The following PIK3R4 variants were observed in gnomAD, a reference collection of about 807,000 sequenced individuals.
PIK3R4 encodes phosphoinositide 3-kinase regulatory subunit 4.
PIK3R4 carries 46 observed loss-of-function variants against 136.5 expected under a neutral mutation model. That is an observed-to-expected ratio of 0.34 (90% CI 0.27 to 0.43). The LOEUF (loss-of-function observed/expected upper bound fraction) is 0.43, where lower values mean the gene tolerates loss of function less well. Among genes scored for constraint, PIK3R4 ranks in the 20% least tolerant of loss-of-function variants. The pLI is 1.00. For missense variants in PIK3R4, 1,331 were observed against 1,649.5 expected (o/e 0.81, Z 3.35); for synonymous variants, 557 against 566.7 (o/e 0.98, Z 0.24).
Position 130,705,732 on chromosome 3 carries a change from T to G in PIK3R4, c.2761A>C (p.Ile921Leu), listed in dbSNP as rs1449240611. Residue 921 changes from isoleucine (I) to leucine (L), a missense_variant, in exon 12 of 20, where the codon ATA becomes CTA. Physicochemically the swap from Ile to Leu is conservative, Grantham distance 5. Coordinates refer to ENST00000356763, the MANE Select transcript of PIK3R4 (RefSeq NM_014602.3). ...AAGATTGTACTACTTAAAACCGGTA[T>G]TACTGGTTTTTTATTTTGGACAGTT... is the stretch of plus-strand genomic sequence containing the variant. ...VTTVQNKKPVIPVLSSTILPS... is the reference protein window; with the variant it reads ...VTTVQNKKPVLPVLSSTILPS... The G allele has an allele frequency of 1.2e-6, 2 of 1,610,208 alleles. No homozygotes were observed. Among genetic ancestry groups the G allele is most frequent in the Non-Finnish European group, 8.5e-7 (1 of 1,176,452 alleles).
At chr3:130,710,435 C>T (rs1296215086) in intron 9 of PIK3R4, among the ~76,000 whole-genome samples, 1 of 151,912 alleles carries the variant, frequency 6.6e-6, no homozygotes, top group Non-Finnish European at 1.5e-5. Flanking sequence ...TTAATCTGTT[C>T]AAAAGATTGT....
chr3:130,728,664 T>C lies in PIK3R4; in HGVS notation c.1606A>G (p.Met536Val). The C allele has an allele frequency of 1.3e-6, 2 of 1,585,976 alleles. No individual in the cohort carries two copies. Among genetic ancestry groups the C allele is most frequent in the Non-Finnish European group, 8.6e-7 (1 of 1,166,072 alleles). The change falls in exon 6 of 20, where the codon ATG becomes GTG. Residue 536 changes from methionine (M) to valine (V), a missense_variant. Met to Val is a conservative substitution (Grantham distance 21, BLOSUM62 1). Transcript: ENST00000356763. ...AAAGTAACAACTTTCTGCTGGACCA[T>C]TTCATGTAAGGCTTGGAGCTCTAAA... The part of the protein sequence containing the change: ...YDTELQALHE[M>V]VQQKVVTLLS...
At chr3:130,694,456 G>T (rs371185891) in intron 13 of PIK3R4, among the ~76,000 whole-genome samples, 2 of 151,904 alleles carry the variant, frequency 1.3e-5, no homozygotes, top group Admixed American at 6.6e-5. Flanking sequence ...TTCTTTCAAT[G>T]ATCTTTAGTA....
chr3:130,696,708 G>A (rs1205959628), intron 13 of PIK3R4, among the ~76,000 whole-genome samples: 3 of 152,162 alleles, frequency 2.0e-5, no homozygotes, highest in Non-Finnish European at 2.9e-5. Flanking sequence ...ACTTAAGGAA[G>A]ATTTAAATTC....
At chr3:130,738,786 C>T (rs528672966) in intron 2 of PIK3R4, among the ~76,000 whole-genome samples, 37 of 150,208 alleles carry the variant, frequency 2.5e-4, no homozygotes, top group African/African-American at 8.1e-4. Context: ...AACTGGTGCA[C>T]CAATATAATT....
At chr3:130,739,375 TTTTG>T (rs1404269665) in intron 2 of PIK3R4, among the ~76,000 whole-genome samples, 3 of 150,008 alleles carry the variant, frequency 2.0e-5, no homozygotes, top group Admixed American at 1.3e-4. Flanking sequence ...CGCGCTGGCC[TTTTG>T]TTTGTTTTTT....
At chr3:130,690,152 T>C (rs2066508358) in intron 14 of PIK3R4, among the ~76,000 whole-genome samples, 1 of 152,124 alleles carries the variant, frequency 6.6e-6, no homozygotes, top group Non-Finnish European at 1.5e-5. Flanking sequence ...TTTTAGTAGC[T>C]GAGACAGAAG....
rs768334164 is a variant in PIK3R4 at position 130,745,171 on chromosome 3, T to C, written c.48A>G (p.Val16=). Residue 16 remains valine, a synonymous_variant, in exon 2 of 20, where the codon GTA becomes GTG. Transcript: ENST00000356763. ...AGIAPSQILS[V]ESYFSDIHDF... is the part of the protein sequence containing the mutation. The stretch of plus-strand genomic sequence containing the variant: ...CATGAATATCTGAAAAATAACTCTC[T>C]ACAGAAAGGATCTGGGAGGGAGCAA... 1 of 1,610,954 alleles carries C rather than the reference T, an allele frequency of 6.2e-7. No individual in the cohort carries two copies. The highest frequency in any genetic ancestry group is 1.7e-5 in the Admixed American group (1 of 59,722).
intron 2 of PIK3R4, among the ~76,000 whole-genome samples, chr3:130,742,782 T>C (rs917526998): frequency 4.6e-5 from 7 of 152,236 alleles, no homozygotes; most frequent in Admixed American, 4.6e-4. Flanking sequence ...TCACAAAATT[T>C]ACCAAAAATG....
Position 130,745,262 on chromosome 3 carries a change from TA to T in PIK3R4, c.-45del. ...GGTCTTTAGTAAGGTTAGGATATAA[TA>T]CCTGTTTAAAATAAAAACAAATGAA... On this transcript the variant is annotated splice_region_variant and 5_prime_UTR_variant, in exon 2 of 20. Coordinates refer to ENST00000356763, the MANE Select transcript of PIK3R4 (RefSeq NM_014602.3). 1 of 1,510,106 alleles carries T rather than the reference TA, an allele frequency of 6.6e-7. No individual in the cohort carries two copies. Among genetic ancestry groups the T allele is most frequent in the Non-Finnish European group, 8.8e-7 (1 of 1,134,834 alleles). The allele number at this position is 1,510,106 out of a possible 1,614,324, so 93.5% of individuals were successfully genotyped here. A position where few individuals can be genotyped will look rare whatever the true frequency, so the allele number is the denominator to read the frequency against.
intron 6 of PIK3R4, among the ~76,000 whole-genome samples, chr3:130,727,361 G>C (rs1438138714): frequency 6.6e-6 from 1 of 151,944 alleles, no homozygotes; most frequent in Non-Finnish European, 1.5e-5. Flanking sequence ...CCGCCTCCGA[G>C]TACAGGCACC....
At chr3:130,705,217 C>T (rs1175143031) in intron 12 of PIK3R4, among the ~76,000 whole-genome samples, 1 of 152,074 alleles carries the variant, frequency 6.6e-6, no homozygotes, top group Non-Finnish European at 1.5e-5. Flanking sequence ...GTTAAACCTT[C>T]CAGAAATTAA....
rs780755729 is a variant in PIK3R4 at position 130,733,825 on chromosome 3, G to A, written c.1173C>T (p.Tyr391=). Residue 391 remains tyrosine, a synonymous_variant, in exon 4 of 20, where the codon TAC becomes TAT. Transcript: ENST00000356763. The part of the protein sequence containing the change: ...VITSCLQTLK[Y]CDSKLAALEL... ...CCAAAGCAGCTAGTTTGGAATCACA[G>A]TATTTAAGGGTCTGTAGGCAGGATG... 30 of 1,614,032 alleles carry A rather than the reference G, an allele frequency of 1.9e-5. No homozygotes were observed. Among genetic ancestry groups the A allele is most frequent in the Non-Finnish European group, 2.5e-5 (30 of 1,180,028 alleles).
chr3:130,710,878 G>A (rs2066629234), intron 9 of PIK3R4, among the ~76,000 whole-genome samples: 2 of 151,578 alleles, frequency 1.3e-5, no homozygotes, highest in Admixed American at 1.3e-4. Context: ...AATTTTTATT[G>A]CATAAAGTGA....
At chr3:130,719,852 G>T (rs1014623962) in intron 7 of PIK3R4, among the ~76,000 whole-genome samples, 1 of 152,054 alleles carries the variant, frequency 6.6e-6, no homozygotes, top group Non-Finnish European at 1.5e-5. Flanking sequence ...ACAGGAATCT[G>T]AAATGTGCTA....
chr3:130,733,280 T>C (rs1179932045), intron 4 of PIK3R4, among the ~76,000 whole-genome samples: 2 of 152,208 alleles, frequency 1.3e-5, no homozygotes, highest in African/African-American at 2.4e-5. Context: ...TTGTAAACAT[T>C]AGTCTTATTC....
intron 6 of PIK3R4, among the ~76,000 whole-genome samples, chr3:130,727,463 T>G (rs547025640): frequency 6.6e-6 from 1 of 152,318 alleles, no homozygotes; most frequent in Admixed American, 6.5e-5. Context: ...AACCTCGTGA[T>G]CCGCCCGCCT....
intron 19 of PIK3R4, among the ~76,000 whole-genome samples, chr3:130,679,990 C>T (rs556123580): frequency 2.8e-5 from 4 of 145,420 alleles, no homozygotes; most frequent in South Asian, 2.2e-4. Context: ...GCAGGAGAAT[C>T]GCTTAACCTG....
intron 8 of PIK3R4, among the ~76,000 whole-genome samples, chr3:130,718,048 A>G (rs925653351): frequency 1.3e-5 from 2 of 152,224 alleles, no homozygotes; most frequent in African/African-American, 4.8e-5. Context: ...GCAATCAGTT[A>G]TACTTTTTAA....
Sources: gnomAD v4.1 joint callset for allele counts (sites outside exome capture counted in the v4.1 genomes callset) on GRCh38, gnomAD v4.1.1 for gene constraint, MANE v1.5 for transcripts, NCBI Gene and HGNC (gene_info 2026-07-23, HGNC 2026-07-21) for gene names.